PDE3A: variants seen among roughly 807,000 people sequenced by gnomAD.
The protein encoded by PDE3A is cGMP-inhibited 3',5'-cyclic phosphodiesterase 3A.
Under a neutral mutation model 98.3 loss-of-function variants are expected in PDE3A, and 43 were observed. The ratio of observed to expected loss-of-function variants is 0.44; its 90% confidence interval spans 0.34 to 0.56. The LOEUF (loss-of-function observed/expected upper bound fraction) is 0.56. Ranked by LOEUF, PDE3A falls within the 20% of genes least tolerant of loss-of-function variation. The pLI is 0.01. For synonymous variants in PDE3A, 663 were observed against 567.9 expected, an observed-to-expected ratio of 1.17 and a Z score of -2.38; for missense variants, 1,427 against 1,440.7, an observed-to-expected ratio of 0.99 and a Z score of 0.15.
intron 1 of PDE3A, among the ~76,000 whole-genome samples, chr12:20,481,453 C>T (rs1331291288): frequency 6.6e-5 from 10 of 152,002 alleles, no homozygotes; most frequent in East Asian, 3.9e-4. Flanking sequence ...TATTTACTGA[C>T]GTTGTTGTTG....
chr12:20,603,291 AC>A (rs1410292513), intron 2 of PDE3A, among the ~76,000 whole-genome samples: 2 of 151,908 alleles, frequency 1.3e-5, no homozygotes, highest in African/African-American at 4.8e-5. Flanking sequence ...TCCCAGGATG[AC>A]TAAATAGAAA....
At chr12:20,540,711 C>T (rs1941874055) in intron 1 of PDE3A, among the ~76,000 whole-genome samples, 1 of 151,868 alleles carries the variant, frequency 6.6e-6, no homozygotes, top group Non-Finnish European at 1.5e-5. Flanking sequence ...AATTCTAATT[C>T]TTAAATTTCT....
rs1314069329 is a variant in PDE3A at position 20,484,593 on chromosome 12, C to A, written c.961-72067C>A. Among the ~76,000 whole-genome samples the A allele has an allele frequency of 4.6e-5, 7 of 152,172 alleles. No individual in the cohort carries two copies. In the East Asian group the frequency reaches 1.3e-3, roughly 29 times the overall value. On this transcript the variant is annotated intron_variant, in intron 1 of 15. Coordinates refer to ENST00000359062, the MANE Select transcript of PDE3A (RefSeq NM_000921.5). ...GCTAATGAGCTCCATTAGGTTTAAT[C>A]AACATTTCAGCAATTTTTGACTTGA... is the stretch of plus-strand genomic sequence containing the variant.
intron 5 of PDE3A, among the ~76,000 whole-genome samples, chr12:20,622,948 C>T (rs1325097203): frequency 6.6e-6 from 1 of 151,714 alleles, no homozygotes; most frequent in African/African-American, 2.4e-5. Flanking sequence ...TTAACAGAAA[C>T]AAAAATATAA....
chr12:20,474,892 A>G (rs986641646), intron 1 of PDE3A, among the ~76,000 whole-genome samples: 1 of 152,152 alleles, frequency 6.6e-6, no homozygotes, highest in African/African-American at 2.4e-5. Flanking sequence ...TAACTTTGAC[A>G]GGTTCAGGGA....
At chr12:20,586,214 G>A (rs1458762777) in intron 2 of PDE3A, among the ~76,000 whole-genome samples, 1 of 152,158 alleles carries the variant, frequency 6.6e-6, no homozygotes, top group African/African-American at 2.4e-5. Context: ...AGAGAGAATG[G>A]CATGAGTTGA....
chr12:20,665,498 T>A (rs1378721957), intron 15 of PDE3A, among the ~76,000 whole-genome samples: 2 of 152,224 alleles, frequency 1.3e-5, no homozygotes, highest in Non-Finnish European at 2.9e-5. Context: ...TGCTGATGTA[T>A]AAGATCTGTA....
At chr12:20,653,868 C>A (rs547503808) in intron 14 of PDE3A, 79 bp from the exon 15 acceptor site, 2 of 1,438,062 alleles carry the variant, frequency 1.4e-6, no homozygotes, top group Admixed American at 1.9e-5. Context: ...GAAGTTTGTG[C>A]ATTAATGCCT....
rs1179343639 is a variant in PDE3A at position 20,369,484 on chromosome 12, C to T, written c.200C>T (p.Ala67Val). The T allele has an allele frequency of 1.3e-6, 2 of 1,556,994 alleles. No homozygotes were observed. The highest frequency in any genetic ancestry group is 1.2e-5 in the South Asian group (1 of 84,482). ...CGGAAACTTTCCTCCGCGCTGTGCG[C>T]GGGCTCCCTGTCCTTTCTGCTGGCG... is the stretch of plus-strand genomic sequence containing the variant. ...SSRKLSSALC[A>V]GSLSFLLALL... The change falls in exon 1 of 16, where the codon GCG becomes GTG. Residue 67 changes from alanine to valine, a missense_variant. Physicochemically the swap from Ala to Val is moderately conservative, Grantham distance 64. Around this residue, in one of 3 missense-constraint regions of PDE3A, gnomAD observed 1,012 missense variants for 886.5 expected, o/e 1.14. Transcript: ENST00000359062.
chr12:20,539,089 A>T (rs1941828600), intron 1 of PDE3A, among the ~76,000 whole-genome samples: 1 of 152,148 alleles, frequency 6.6e-6, no homozygotes. Context: ...ACTTTCTAAA[A>T]TGGAAGATAG....
chr12:20,543,264 T>G (rs1350056999), intron 1 of PDE3A, among the ~76,000 whole-genome samples: 3 of 150,956 alleles, frequency 2.0e-5, no homozygotes, highest in African/African-American at 7.3e-5. Flanking sequence ...TTGTTTGTTT[T>G]TTTTTTAAAC....
At chr12:20,392,084 A>G (rs1034259550) in intron 1 of PDE3A, among the ~76,000 whole-genome samples, 4 of 152,068 alleles carry the variant, frequency 2.6e-5, no homozygotes, top group South Asian at 2.1e-4. Context: ...TTTTGTCAGC[A>G]TAATAATCTA....
intron 1 of PDE3A, among the ~76,000 whole-genome samples, chr12:20,548,293 G>A (rs749784114): frequency 1.8e-4 from 28 of 151,926 alleles, no homozygotes; most frequent in East Asian, 3.9e-4. Context: ...TTCATCAGAC[G>A]GAAAGATTTT....
intron 1 of PDE3A, among the ~76,000 whole-genome samples, chr12:20,442,911 T>G (rs574758071): frequency 6.6e-6 from 1 of 152,108 alleles, no homozygotes; most frequent in Admixed American, 6.6e-5. Context: ...CAAAGCAGTG[T>G]CACAGAAAAT....
Position 20,370,281 on chromosome 12 carries a change from C to G in PDE3A, c.960+37C>G, listed in dbSNP as rs776475216. On this transcript the variant is annotated intron_variant, in intron 1 of 15. Coordinates refer to ENST00000359062, the MANE Select transcript of PDE3A (RefSeq NM_000921.5). ...CAACTCCTCTCTCGGCTCTTGGAAA[C>G]TTGAAACACTTGGCAACCGGCGCAG... 3 of 1,482,450 alleles carry G rather than the reference C, an allele frequency of 2.0e-6. No homozygotes were observed. In the Admixed American group the frequency reaches 6.9e-5, roughly 34 times the overall value. 91.8% of individuals were successfully genotyped at this position (1,482,450 alleles called of 1,614,324 possible).
At chr12:20,547,216 C>T (rs1312097448) in intron 1 of PDE3A, among the ~76,000 whole-genome samples, 2 of 152,086 alleles carry the variant, frequency 1.3e-5, no homozygotes, top group African/African-American at 4.8e-5. Flanking sequence ...ACCTCTGCTT[C>T]CAGCCCCTAC....
At chr12:20,659,866 C>T (rs1945122350) in intron 15 of PDE3A, among the ~76,000 whole-genome samples, 1 of 152,182 alleles carries the variant, frequency 6.6e-6, no homozygotes, top group Admixed American at 6.5e-5. Context: ...GGAACAAAAA[C>T]TAGAGAGAAA....
intron 1 of PDE3A, among the ~76,000 whole-genome samples, chr12:20,503,585 C>A (rs1202666138): frequency 6.6e-6 from 1 of 151,922 alleles, no homozygotes; most frequent in African/African-American, 2.4e-5. Context: ...TGATCATTCC[C>A]TATTATATAG....
intron 1 of PDE3A, among the ~76,000 whole-genome samples, chr12:20,486,874 C>T (rs1369028373): frequency 1.3e-5 from 2 of 152,208 alleles, no homozygotes; most frequent in African/African-American, 4.8e-5. Flanking sequence ...CCTCAAGTGA[C>T]CTGCCTGCCT....
Sources: allele counts gnomAD v4.1 joint callset (sites outside exome capture counted in the v4.1 genomes callset), GRCh38; gene constraint gnomAD v4.1.1; regional missense constraint gnomAD v4.1.1; transcripts MANE v1.5; gene names NCBI Gene and HGNC (gene_info 2026-07-23, HGNC 2026-07-21).